Variants in DCAF6 observed in about 807,000 individuals in gnomAD.
DCAF6 encodes DDB1- and CUL4-associated factor 6.
Under a neutral mutation model 125.1 loss-of-function variants are expected in DCAF6, and 54 were observed. The ratio of observed to expected loss-of-function variants is 0.43; its 90% CI spans 0.35 to 0.54. DCAF6 has a LOEUF of 0.54. Among genes scored for constraint, DCAF6 ranks in the 20% least tolerant of loss-of-function variants. The pLI, the probability that DCAF6 is intolerant of heterozygous loss-of-function variation, is 0.01. For missense variants in DCAF6, 934 were observed against 1,161.7 expected (o/e 0.80, Z 2.85); for synonymous variants, 371 against 390.4 (o/e 0.95, Z 0.58).
intron 2 of DCAF6, among the ~76,000 whole-genome samples, chr1:167,959,359 T>C (rs1482003628): frequency 1.3e-5 from 2 of 152,234 alleles, no homozygotes; most frequent in Non-Finnish European, 2.9e-5. Context: ...GGTGTTGGTG[T>C]GCACATACGT....
At chr1:167,877,444 T>C in the DCAF6 span, among the ~76,000 whole-genome samples, 1 of 152,110 alleles carries the variant, frequency 6.6e-6, no homozygotes, top group Non-Finnish European at 1.5e-5. Context: ...GCCCTGGTTC[T>C]GTTATCTGAC....
chr1:168,030,536 G>A (rs1043159524), intron 12 of DCAF6, among the ~76,000 whole-genome samples: 2 of 152,194 alleles, frequency 1.3e-5, no homozygotes, highest in Non-Finnish European at 2.9e-5. Flanking sequence ...AATCACTTAC[G>A]AAGTTCTCCT....
At chr1:167,936,519 G>C (rs73024126), upstream of DCAF6, 1 of 225,500 alleles carries the variant, frequency 4.4e-6, no homozygotes, top group African/African-American at 2.4e-5. Context: ...GGTGAGGGCA[G>C]CCGCAGCACA....
At chr1:167,959,817 G>A (rs1167737653) in intron 2 of DCAF6, among the ~76,000 whole-genome samples, 1 of 151,998 alleles carries the variant, frequency 6.6e-6, no homozygotes, top group Non-Finnish European at 1.5e-5. Flanking sequence ...TTGTCTTCTT[G>A]TTTTCTTGAC....
chr1:167,970,967 C>T (rs1008433334), intron 3 of DCAF6, among the ~76,000 whole-genome samples: 2 of 152,054 alleles, frequency 1.3e-5, no homozygotes, highest in East Asian at 1.9e-4. Flanking sequence ...GAGAAGGAAG[C>T]CCAGAGATGG....
chr1:168,065,547 T>C (rs1439584501), intron 18 of DCAF6, 43 bp from the exon 19 acceptor site: 2 of 1,361,722 alleles, frequency 1.5e-6, no homozygotes, highest in Non-Finnish European at 2.0e-6. Flanking sequence ...TTTGTTTTAA[T>C]AACTTTGATT....
intron 5 of DCAF6, among the ~76,000 whole-genome samples, chr1:167,987,847 T>C (rs1443510489): frequency 6.6e-6 from 1 of 152,114 alleles, no homozygotes; most frequent in Non-Finnish European, 1.5e-5. Flanking sequence ...ATTTTAATTG[T>C]ACATTTAAAA....
the DCAF6 span, among the ~76,000 whole-genome samples, chr1:167,899,146 G>C: frequency 6.6e-6 from 1 of 152,148 alleles, no homozygotes; most frequent in Non-Finnish European, 1.5e-5. Flanking sequence ...GGTTCCTTAA[G>C]CAAGGTCGCT....
chr1:167,898,609 A>ATTT, the DCAF6 span, among the ~76,000 whole-genome samples: 1 of 150,014 alleles, frequency 6.7e-6, no homozygotes, highest in Non-Finnish European at 1.5e-5. Context: ...TTTTTTTTTA[A>ATTT]AAAAAGAATG....
upstream of DCAF6, chr1:167,936,012 G>A: frequency 1.6e-6 from 1 of 618,274 alleles, no homozygotes; most frequent in Non-Finnish European, 2.9e-6. Context: ...AAAAGCTGCG[G>A]CCCGCGCCCC....
chr1:167,940,670 G>A (rs1216191718), intron 1 of DCAF6, among the ~76,000 whole-genome samples: 2 of 151,822 alleles, frequency 1.3e-5, no homozygotes, highest in Non-Finnish European at 2.9e-5. Context: ...ATATATATAC[G>A]GTTTTGTAAA....
intron 4 of DCAF6, among the ~76,000 whole-genome samples, chr1:167,979,426 G>T (rs1199587789): frequency 6.6e-6 from 1 of 151,730 alleles, no homozygotes; most frequent in Non-Finnish European, 1.5e-5. Context: ...CTGTTTCTAA[G>T]AATTTGACTA....
At chr1:167,983,585 G>C (rs1275718988) in intron 4 of DCAF6, among the ~76,000 whole-genome samples, 1 of 152,198 alleles carries the variant, frequency 6.6e-6, no homozygotes, top group Non-Finnish European at 1.5e-5. Context: ...CTTGTTCAGA[G>C]CCTCAAGGTC....
the DCAF6 span, chr1:167,904,051 G>T: frequency 6.1e-3 from 6,231 of 1,015,618 alleles, 36 homozygotes; most frequent in Non-Finnish European, 6.8e-3. Flanking sequence ...AGAGCCAGAA[G>T]AGGACTACCC....
At chr1:168,026,323 T>C (rs371352033) in intron 12 of DCAF6, among the ~76,000 whole-genome samples, 4 of 152,318 alleles carry the variant, frequency 2.6e-5, no homozygotes, top group East Asian at 3.9e-4. Flanking sequence ...AAATGAATTC[T>C]TTAAGCAATT....
chr1:167,918,141 TA>T, the DCAF6 span: 43 of 496,320 alleles, frequency 8.7e-5, no homozygotes, highest in African/African-American at 7.9e-4. Context: ...ATAAGTTCCT[TA>T]AGTCATGTAG....
intron 10 of DCAF6, among the ~76,000 whole-genome samples, chr1:168,013,362 C>T (rs984476827): frequency 6.6e-6 from 1 of 152,098 alleles, no homozygotes; most frequent in South Asian, 2.1e-4. Context: ...TAGTACCTGG[C>T]GTTATTGATT....
the DCAF6 span, among the ~76,000 whole-genome samples, chr1:167,902,461 CA>C: frequency 6.6e-6 from 1 of 152,200 alleles, no homozygotes; most frequent in African/African-American, 2.4e-5. Flanking sequence ...AACTAGGAGT[CA>C]GGGAATGGGA....
intron 11 of DCAF6, among the ~76,000 whole-genome samples, chr1:168,018,680 C>T (rs1027137767): frequency 6.6e-6 from 1 of 152,124 alleles, no homozygotes; most frequent in Non-Finnish European, 1.5e-5. Flanking sequence ...AAAAGTATAT[C>T]TTTTCTAGGA....
Sources: gnomAD v4.1 joint callset for allele counts (sites outside exome capture counted in the v4.1 genomes callset) on GRCh38, gnomAD v4.1.1 for gene constraint, MANE v1.5 for transcripts, NCBI Gene and HGNC (gene_info 2026-07-23, HGNC 2026-07-21) for gene names.